Variants in CAPRIN1 observed in about 807,000 individuals in gnomAD.
The protein encoded by CAPRIN1 is caprin-1.
CAPRIN1 carries 29 observed loss-of-function variants against 100.9 expected under a neutral mutation model. The observed-to-expected ratio is 0.29, with a 90% confidence interval of 0.21 to 0.39. The LOEUF is 0.39. Among genes scored for constraint, CAPRIN1 ranks in the 10% least tolerant of loss-of-function variants. The pLI is 1.00. For synonymous variants in CAPRIN1, 338 were observed against 307.5 expected (o/e 1.10, Z -1.04); for missense variants, 795 against 876.7 (o/e 0.91, Z 1.18).
chr11:34,055,329 A>AT (rs113289796), intron 2 of CAPRIN1, among the ~76,000 whole-genome samples: 5 of 146,880 alleles, frequency 3.4e-5, no homozygotes, highest in Admixed American at 6.8e-5. Context: ...ACCCCAGGCA[A>AT]TTTTTTTTTC....
intron 2 of CAPRIN1, among the ~76,000 whole-genome samples, chr11:34,064,692 G>C (rs1459420387): frequency 6.6e-6 from 1 of 152,170 alleles, no homozygotes; most frequent in Non-Finnish European, 1.5e-5. Context: ...TGTCAGCTAA[G>C]AATGCAAGAT....
intron 6 of CAPRIN1, among the ~76,000 whole-genome samples, chr11:34,077,353 C>CA (rs1454573151): frequency 6.6e-6 from 1 of 152,186 alleles, no homozygotes; most frequent in East Asian, 1.9e-4. Flanking sequence ...GCATTTCATA[C>CA]ATTCTGCTCA....
chr11:34,059,693 T>C (rs1850533980), intron 2 of CAPRIN1, among the ~76,000 whole-genome samples: 1 of 152,198 alleles, frequency 6.6e-6, no homozygotes, highest in African/African-American at 2.4e-5. Flanking sequence ...AATCATTACA[T>C]AGAAATATCT....
chr11:34,098,866 T>C, intron 18 of CAPRIN1: 1 of 991,990 alleles, frequency 1.0e-6, no homozygotes, highest in Non-Finnish European at 1.2e-6. Context: ...AGGTCTGTTT[T>C]CATTCTGGTG....
chr11:34,069,075 A>G (rs895797109), intron 2 of CAPRIN1, among the ~76,000 whole-genome samples: 2 of 151,498 alleles, frequency 1.3e-5, no homozygotes, highest in Admixed American at 6.6e-5. Context: ...CTGTTTGTAT[A>G]TTTTTAAATA....
chr11:34,083,764 C>A (rs1481622589), intron 9 of CAPRIN1, among the ~76,000 whole-genome samples: 1 of 152,084 alleles, frequency 6.6e-6, no homozygotes, highest in Non-Finnish European at 1.5e-5. Flanking sequence ...ATATGTTATT[C>A]TTATATCAAG....
intron 2 of CAPRIN1, among the ~76,000 whole-genome samples, chr11:34,059,923 T>A (rs1850539750): frequency 7.0e-6 from 1 of 142,524 alleles, no homozygotes; most frequent in Non-Finnish European, 1.5e-5. Context: ...AGGCTGGGCA[T>A]GGTGGCTCAC....
At chr11:34,055,195 G>A (rs118164253) in intron 2 of CAPRIN1, among the ~76,000 whole-genome samples, 2,514 of 152,036 alleles carry the variant, frequency 0.017, 32 homozygotes, top group Middle Eastern at 0.027. Flanking sequence ...TGTTGCCCAG[G>A]CTGGAGTGCC....
At chr11:34,098,213 A>G in intron 18 of CAPRIN1, 2 of 993,696 alleles carry the variant, frequency 2.0e-6, no homozygotes, top group Non-Finnish European at 1.2e-6. Flanking sequence ...GCCATAGTTA[A>G]CATTTAGAGA....
Position 34,089,521 on chromosome 11 carries a change from C to T in CAPRIN1, c.1293+65C>T, listed in dbSNP as rs1416854295. 5.8e-6 allele frequency: 5 copies of T among 863,350 alleles called. No homozygotes were observed. The East Asian group carries it at 1.1e-4, about 19-fold the overall frequency. The allele number at this position is 863,350 out of a possible 1,614,324, so 53.5% of individuals were successfully genotyped here. On this transcript the variant is annotated intron_variant, in intron 12 of 18. Coordinates refer to ENST00000341394, the MANE Select transcript of CAPRIN1 (RefSeq NM_005898.5). ...GTGGCTCGTACCTATAATCCTAGTA[C>T]TTTAGGAGGCTGAGATGGGAGGATC... is the stretch of plus-strand genomic sequence containing the variant.
At chr11:34,089,851 CTTT>C (rs1851228911) in intron 12 of CAPRIN1, among the ~76,000 whole-genome samples, 1 of 151,722 alleles carries the variant, frequency 6.6e-6, no homozygotes, top group South Asian at 2.1e-4. Flanking sequence ...TATAATAAGC[CTTT>C]TTTATTTAGA....
rs1015313541 is a variant in CAPRIN1, at chr11:34,072,282, C to G, written c.366+295C>G. Among the ~76,000 whole-genome samples, 7 of 148,504 alleles carry G rather than the reference C, an allele frequency of 4.7e-5. No homozygotes were observed. The Admixed American group carries it at 4.8e-4, about 10-fold the overall frequency. On this transcript the variant is annotated intron_variant, in intron 4 of 18. Transcript: ENST00000341394. ...ATTGTTCCTGTGAATAGCCACCGCA[C>G]TTCAGCCTGGGCAACGTGATAAAAC... is the stretch of plus-strand genomic sequence containing the variant.
rs1486596092 is a variant in CAPRIN1 at position 34,101,125 on chromosome 11, T to A, written c.*1758T>A. 3 of 152,580 alleles carry A rather than the reference T, an allele frequency of 2.0e-5. No individual in the cohort carries two copies. Among genetic ancestry groups the A allele is most frequent in the East Asian group, 3.8e-4 (2 of 5,200 alleles). The allele number at this position is 152,580 out of a possible 1,614,324, so 9.5% of individuals were successfully genotyped here. ...GAAATGGGGGATCTTCAATGTTTAT[T>A]TTAAAATAAAATAAAATAAGTTCTT... On this transcript the variant is annotated 3_prime_UTR_variant, in exon 19 of 19. Transcript: ENST00000341394.
rs774068171 is a variant in CAPRIN1, at chr11:34,052,554, G to T, written c.134G>T (p.Gly45Val). 1 of 1,609,448 alleles carries T rather than the reference G, an allele frequency of 6.2e-7. No individual in the cohort carries two copies. The highest frequency in any genetic ancestry group is 8.5e-7 in the Non-Finnish European group (1 of 1,178,548). ...AAPASQHPAT[G>V]TGAVQTEAMK... ...CCGGCTTCTCAGCACCCCGCAACCG[G>T]CACCGGCGCTGTCCAGACCGAGGCC... Residue 45 changes from glycine to valine, a missense_variant, in exon 2 of 19, where the codon GGC (glycine) becomes GTC (valine). Physicochemically the swap from Gly to Val is moderately radical, Grantham distance 109. Transcript: ENST00000341394.
chr11:34,081,819 G>C (rs1411338937), intron 7 of CAPRIN1, among the ~76,000 whole-genome samples: 2 of 150,990 alleles, frequency 1.3e-5, no homozygotes, highest in Non-Finnish European at 3.0e-5. Flanking sequence ...TCTTTTTTGT[G>C]GGGGACAGGG....
chr11:34,092,130 A>G (rs1479408966), intron 15 of CAPRIN1, 74 bp downstream of exon 15: 1 of 1,438,032 alleles, frequency 7.0e-7, no homozygotes, highest in African/African-American at 1.4e-5. Flanking sequence ...GACAGTTTAG[A>G]CTTCAGAGTG....
chr11:34,075,640 G>A (rs191458269), intron 4 of CAPRIN1, among the ~76,000 whole-genome samples: 82 of 152,276 alleles, frequency 5.4e-4, no homozygotes, highest in Non-Finnish European at 1.0e-3. Flanking sequence ...GCATTTCCTT[G>A]TGAGTCATTA....
rs530035354 is a variant in CAPRIN1, at chr11:34,060,092, A to G, written c.216+7456A>G. On this transcript the variant is annotated intron_variant, in intron 2 of 18. Coordinates refer to ENST00000341394, the MANE Select transcript of CAPRIN1 (RefSeq NM_005898.5). Reference sequence around the variant, plus strand: ...GCAGCTGTAGTTCCAGCTACTTGGGAGGCCGAGACAGGAGAATTGCTTGAA... The same window carrying G: ...GCAGCTGTAGTTCCAGCTACTTGGGGGGCCGAGACAGGAGAATTGCTTGAA... Among the ~76,000 whole-genome samples the G allele has an allele frequency of 1.1e-4, 16 of 148,874 alleles. No individual in the cohort carries two copies. The South Asian group carries it at 3.5e-3, about 32-fold the overall frequency.
chr11:34,083,142 C>A, intron 9 of CAPRIN1, 101 bp downstream of exon 9: 1 of 779,470 alleles, frequency 1.3e-6, no homozygotes, highest in Non-Finnish European at 2.2e-6. Context: ...ATTATTAGTA[C>A]ATTTATTATA....
Sources: allele counts gnomAD v4.1 joint callset (sites outside exome capture counted in the v4.1 genomes callset), GRCh38; gene constraint gnomAD v4.1.1; transcripts MANE v1.5; gene names NCBI Gene and HGNC (gene_info 2026-07-23, HGNC 2026-07-21).